TACR3: variants seen among roughly 807,000 people sequenced by gnomAD.
TACR3 encodes the protein tachykinin receptor 3, also known as neuromedin-K receptor.
Under a neutral mutation model 35.0 loss-of-function variants are expected in TACR3, and 34 were observed. The observed-to-expected ratio is 0.97, with a 90% CI of 0.74 to 1.30. TACR3 has a LOEUF of 1.30. Ranked by LOEUF, TACR3 falls within the 50% of genes most tolerant of loss-of-function variation. The pLI is 0.00. For missense variants in TACR3, 558 were observed against 591.7 expected, an observed-to-expected ratio of 0.94 and a Z score of 0.59; for synonymous variants, 233 against 221.1, an observed-to-expected ratio of 1.05 and a Z score of -0.48.
Position 103,643,050 on chromosome 4 carries a change from A to T in TACR3, c.888+13144T>A, listed in dbSNP as rs574423135. Among the ~76,000 whole-genome samples, 16 of 152,042 alleles carry T rather than the reference A, an allele frequency of 1.1e-4. No homozygotes were observed. The South Asian group carries it at 3.1e-3, about 29-fold the overall frequency. On this transcript the variant is annotated intron_variant, in intron 3 of 4. Coordinates refer to ENST00000304883, the MANE Select transcript of TACR3 (RefSeq NM_001059.3). ...TCATGTCTTACTACATTATCACAAT[A>T]AATGGGAGTAAACACAGGTTTTGTA...
intron 1 of TACR3, among the ~76,000 whole-genome samples, chr4:103,704,693 T>G (rs2110226262): frequency 6.6e-6 from 1 of 152,248 alleles, no homozygotes; most frequent in Non-Finnish European, 1.5e-5. Flanking sequence ...ATAGGGATTA[T>G]GGGGGTTACA....
intron 1 of TACR3, among the ~76,000 whole-genome samples, chr4:103,673,736 A>T (rs1012735194): frequency 2.0e-5 from 3 of 152,232 alleles, no homozygotes; most frequent in Non-Finnish European, 2.9e-5. Flanking sequence ...TAATTTGTAA[A>T]AAGCACAATA....
chr4:103,635,236 G>T (rs75486893), intron 3 of TACR3, among the ~76,000 whole-genome samples: 1 of 151,856 alleles, frequency 6.6e-6, no homozygotes, highest in African/African-American at 2.4e-5. Flanking sequence ...TTGCCTAAAT[G>T]TAGATCAAAG....
intron 3 of TACR3, among the ~76,000 whole-genome samples, chr4:103,640,528 T>A (rs973764904): frequency 6.6e-6 from 1 of 151,978 alleles, no homozygotes; most frequent in African/African-American, 2.4e-5. Context: ...TGTTTTCTTG[T>A]TGTTGGTTTG....
intron 1 of TACR3, among the ~76,000 whole-genome samples, chr4:103,691,166 A>G (rs2110216927): frequency 6.6e-6 from 1 of 152,298 alleles, no homozygotes; most frequent in Non-Finnish European, 1.5e-5. Context: ...ATACATGAAC[A>G]CTCATAGCAG....
chr4:103,703,952 A>T (rs1722723674), intron 1 of TACR3, among the ~76,000 whole-genome samples: 1 of 151,752 alleles, frequency 6.6e-6, no homozygotes, highest in Non-Finnish European at 1.5e-5. Flanking sequence ...ATACAAAAAA[A>T]ATTTAGCAGG....
intron 1 of TACR3, among the ~76,000 whole-genome samples, chr4:103,710,970 T>A (rs567831270): frequency 6.6e-6 from 1 of 152,122 alleles, no homozygotes; most frequent in South Asian, 2.1e-4. Flanking sequence ...AATATACCAA[T>A]AACAGGCTCT....
intron 3 of TACR3, among the ~76,000 whole-genome samples, chr4:103,638,489 A>G (rs1725252736): frequency 6.6e-6 from 1 of 152,028 alleles, no homozygotes; most frequent in African/African-American, 2.4e-5. Flanking sequence ...TAAAAACCCT[A>G]GAAGAAAACC....
At chr4:103,613,539 G>T (rs1724560384) in intron 3 of TACR3, among the ~76,000 whole-genome samples, 2 of 151,312 alleles carry the variant, frequency 1.3e-5, no homozygotes, top group South Asian at 4.2e-4. Context: ...ATATTGGCCA[G>T]GCTGGTCTTG....
intron 3 of TACR3, among the ~76,000 whole-genome samples, chr4:103,615,945 C>T (rs1303058290): frequency 6.6e-6 from 1 of 152,074 alleles, no homozygotes; most frequent in African/African-American, 2.4e-5. Context: ...TAAATATTTT[C>T]TGAGAAAGAG....
At chr4:103,657,921 C>T (rs1356525531) in intron 2 of TACR3, among the ~76,000 whole-genome samples, 1 of 150,930 alleles carries the variant, frequency 6.6e-6, no homozygotes, top group Non-Finnish European at 1.5e-5. Context: ...CAATCAATAA[C>T]ACAATGCTTT....
chr4:103,657,114 C>T (rs1725748342), intron 2 of TACR3, among the ~76,000 whole-genome samples: 1 of 151,982 alleles, frequency 6.6e-6, no homozygotes, highest in South Asian at 2.1e-4. Flanking sequence ...ACTACAATAG[C>T]CCAAATATAA....
intron 1 of TACR3, among the ~76,000 whole-genome samples, chr4:103,674,406 CT>C (rs1726122709): frequency 1.3e-5 from 2 of 151,708 alleles, no homozygotes; most frequent in South Asian, 4.1e-4. Flanking sequence ...ACCAGATAAA[CT>C]GTGGAAATAG....
At chr4:103,692,225 A>T (rs185330602) in intron 1 of TACR3, among the ~76,000 whole-genome samples, 362 of 152,330 alleles carry the variant, frequency 2.4e-3, no homozygotes, top group Non-Finnish European at 4.3e-3. Context: ...ATGTTTACGT[A>T]AAAAGGTTTA....
intron 1 of TACR3, among the ~76,000 whole-genome samples, chr4:103,703,213 T>A (rs1280547710): frequency 1.3e-5 from 2 of 152,194 alleles, no homozygotes; most frequent in Non-Finnish European, 2.9e-5. Flanking sequence ...ATTTTGTTTT[T>A]AAAATTTATT....
intron 1 of TACR3, among the ~76,000 whole-genome samples, chr4:103,679,735 A>G (rs1335928531): frequency 6.6e-6 from 1 of 151,960 alleles, no homozygotes; most frequent in African/African-American, 2.4e-5. Flanking sequence ...ATAACATTCC[A>G]TAATATAATG....
intron 3 of TACR3, among the ~76,000 whole-genome samples, chr4:103,635,788 A>G (rs1050284143): frequency 7.0e-6 from 1 of 143,278 alleles, no homozygotes; most frequent in Non-Finnish European, 1.5e-5. Context: ...AGCTCTTATT[A>G]TTTTATGAAT....
intron 1 of TACR3, among the ~76,000 whole-genome samples, chr4:103,706,265 A>G (rs1722786779): frequency 6.6e-6 from 1 of 152,184 alleles, no homozygotes; most frequent in Non-Finnish European, 1.5e-5. Flanking sequence ...CTGAGTATAC[A>G]TGACCACACA....
chr4:103,666,399 C>T (rs1191512939), intron 1 of TACR3, among the ~76,000 whole-genome samples: 3 of 152,036 alleles, frequency 2.0e-5, no homozygotes, highest in African/African-American at 7.2e-5. Flanking sequence ...GCCAGCTCTA[C>T]AGCATACAGG....
Sources: allele counts gnomAD v4.1 joint callset (sites outside exome capture counted in the v4.1 genomes callset), GRCh38; gene constraint gnomAD v4.1.1; transcripts MANE v1.5; gene names NCBI Gene and HGNC (gene_info 2026-07-23, HGNC 2026-07-21).